FGF12: variants seen among roughly 807,000 people sequenced by gnomAD.
FGF12 encodes fibroblast growth factor 12B.
In FGF12, 14 loss-of-function variants were observed where a neutral mutation model predicts 23.6. The observed-to-expected ratio is 0.59, with a 90% confidence interval of 0.39 to 0.93. FGF12 has a LOEUF of 0.93. Among genes scored for constraint, FGF12 ranks in the 40% least tolerant of loss-of-function variants. The pLI is 0.00. For missense variants in FGF12, 175 were observed against 217.8 expected (o/e 0.80, Z 1.24); for synonymous variants, 62 against 77.3 (o/e 0.80, Z 1.04).
chr3:192,438,767 G>A (rs1294681884), intron 2 of FGF12, among the ~76,000 whole-genome samples: 1 of 152,118 alleles, frequency 6.6e-6, no homozygotes, highest in Admixed American at 6.5e-5. Context: ...CTTTTGGTGT[G>A]ACCAAGAAAG....
chr3:192,497,630 G>C (rs865984988), intron 2 of FGF12, among the ~76,000 whole-genome samples: 1 of 152,172 alleles, frequency 6.6e-6, no homozygotes, highest in Non-Finnish European at 1.5e-5. Flanking sequence ...AATATGCCAA[G>C]TTTTTTCCTG....
rs183015420 is a variant in FGF12, at chr3:192,189,146, T to C, written c.229-18490A>G. On this transcript the variant is annotated intron_variant, in intron 4 of 5. Coordinates refer to ENST00000445105, the MANE Select transcript of FGF12 (RefSeq NM_004113.6). ...GTAGGCTTCCTCAGCCTCGGTTTCA[T>C]GGTATCTCCAGTCCTGTTTAAGCCA... 5.9e-3 allele frequency among the ~76,000 whole-genome samples: 899 copies of C among 152,342 alleles called. 7 individuals are homozygous for C. The highest frequency in any genetic ancestry group is 0.018 in the African/African-American group (754 of 41,582).
At chr3:192,674,037 G>A (rs1431280882) in intron 2 of FGF12, among the ~76,000 whole-genome samples, 1 of 151,046 alleles carries the variant, frequency 6.6e-6, no homozygotes, top group African/African-American at 2.4e-5. Flanking sequence ...AGTGTTTTAT[G>A]ACTAGACTCT....
intron 2 of FGF12, among the ~76,000 whole-genome samples, chr3:192,546,571 T>C (rs891889902): frequency 6.6e-6 from 1 of 152,130 alleles, no homozygotes; most frequent in African/African-American, 2.4e-5. Flanking sequence ...TGTAGTTCCC[T>C]GGTTCAATGC....
chr3:192,708,171 G>A (rs1334652009), intron 2 of FGF12, among the ~76,000 whole-genome samples: 2 of 152,070 alleles, frequency 1.3e-5, no homozygotes, highest in African/African-American at 2.4e-5. Context: ...GTGTTAGCCA[G>A]GTTGGTCTCG....
rs139901398 is a variant in FGF12 at position 192,188,185 on chromosome 3, G to A, written c.229-17529C>T. On this transcript the variant is annotated intron_variant, in intron 4 of 5. Coordinates refer to ENST00000445105, the MANE Select transcript of FGF12 (RefSeq NM_004113.6). ...AAGAATGAAATCTAGAATTCAAAGA[G>A]GTACTAGTGAGACAGCTTGAACTAA... Among the ~76,000 whole-genome samples the A allele has an allele frequency of 7.1e-4, 108 of 152,210 alleles. 1 individual carries two copies. In the East Asian group the frequency reaches 0.015, roughly 22 times the overall value.
At chr3:192,658,600 A>G (rs961864822) in intron 2 of FGF12, among the ~76,000 whole-genome samples, 1 of 152,178 alleles carries the variant, frequency 6.6e-6, no homozygotes, top group African/African-American at 2.4e-5. Flanking sequence ...TTTTGAAATA[A>G]TAGGTTAGCT....
chr3:192,687,193 GA>G (rs1482880633), intron 2 of FGF12, among the ~76,000 whole-genome samples: 1 of 150,210 alleles, frequency 6.7e-6, no homozygotes, highest in African/African-American at 2.5e-5. Context: ...ATCTCTAGAT[GA>G]GACAAATATT....
rs1311177541 is a variant in FGF12, at chr3:192,141,116, C to T, written c.*2893G>A. ...GCCATATTTTTTCCTGGGAAAAATC[C>T]CAATGCAACTCCAAAAAAAAAAAAA... On this transcript the variant is annotated 3_prime_UTR_variant, in exon 6 of 6. Coordinates refer to ENST00000445105, the MANE Select transcript of FGF12 (RefSeq NM_004113.6). 3.3e-5 allele frequency: 2 copies of T among 60,662 alleles called. No individual in the cohort carries two copies. Among genetic ancestry groups the T allele is most frequent in the African/African-American group, 1.5e-4 (2 of 13,702 alleles). The allele number at this position is 60,662 out of a possible 1,614,324, so 3.8% of individuals were successfully genotyped here. A position where few individuals can be genotyped will look rare whatever the true frequency, so the allele number is the denominator to read the frequency against.
At chr3:192,174,936 A>G (rs1203355302) in intron 4 of FGF12, among the ~76,000 whole-genome samples, 1 of 152,176 alleles carries the variant, frequency 6.6e-6, no homozygotes, top group Non-Finnish European at 1.5e-5. Flanking sequence ...TTCACTTTTC[A>G]CATAGCAGGA....
intron 2 of FGF12, among the ~76,000 whole-genome samples, chr3:192,572,917 T>C (rs1374987564): frequency 6.6e-6 from 1 of 152,190 alleles, no homozygotes; most frequent in Admixed American, 6.5e-5. Flanking sequence ...AGAATTACTT[T>C]ATATAAAATA....
At chr3:192,727,414 G>C in intron 1 of FGF12, 70 bp downstream of exon 1, 1 of 1,345,606 alleles carries the variant, frequency 7.4e-7, no homozygotes, top group African/African-American at 1.5e-5. Context: ...CAGGGGATAC[G>C]TTGCGACGCG....
At chr3:192,295,825 A>G (rs1577328398) in intron 4 of FGF12, among the ~76,000 whole-genome samples, 1 of 152,162 alleles carries the variant, frequency 6.6e-6, no homozygotes, top group Non-Finnish European at 1.5e-5. Context: ...CTATTCCAAT[A>G]CAACTCTGAT....
chr3:192,324,119 A>T (rs1042758817), intron 4 of FGF12, among the ~76,000 whole-genome samples: 3 of 151,288 alleles, frequency 2.0e-5, no homozygotes, highest in Admixed American at 6.6e-5. Flanking sequence ...TTAATTAAAT[A>T]AAATATCATA....
intron 2 of FGF12, among the ~76,000 whole-genome samples, chr3:192,431,258 C>T (rs780742561): frequency 2.0e-5 from 3 of 152,130 alleles, no homozygotes; most frequent in Non-Finnish European, 2.9e-5. Context: ...GAAACTTCAG[C>T]GGTACCTGTA....
At chr3:192,611,221 TTG>T (rs1190217320) in intron 2 of FGF12, among the ~76,000 whole-genome samples, 13 of 152,060 alleles carry the variant, frequency 8.5e-5, no homozygotes, top group Admixed American at 2.6e-4. Context: ...GCTTTCTGCT[TTG>T]CTTGTAGAAT....
intron 2 of FGF12, among the ~76,000 whole-genome samples, chr3:192,433,404 A>T (rs538138494): frequency 6.6e-6 from 1 of 152,360 alleles, no homozygotes; most frequent in African/African-American, 2.4e-5. Context: ...AAATTTACAA[A>T]TATCAAATTA....
chr3:192,610,527 G>A lies in FGF12; in HGVS notation c.13+116654C>T, dbSNP rs373313066. 7.4e-4 allele frequency among the ~76,000 whole-genome samples: 113 copies of A among 152,016 alleles called. 2 individuals are homozygous for A. In the South Asian group the frequency reaches 0.021, roughly 28 times the overall value. On this transcript the variant is annotated intron_variant, in intron 2 of 5. Transcript: ENST00000445105. ...ATTCCAAACCACAATTATCTCATCC[G>A]GATTATTGCAATTGCTTTCTGCCTG...
intron 2 of FGF12, among the ~76,000 whole-genome samples, chr3:192,713,194 T>C (rs1462870886): frequency 2.0e-5 from 3 of 152,154 alleles, no homozygotes; most frequent in Non-Finnish European, 4.4e-5. Flanking sequence ...AAAATAACAA[T>C]GTAACAGCCT....
Sources: allele counts gnomAD v4.1 joint callset (sites outside exome capture counted in the v4.1 genomes callset), GRCh38; gene constraint gnomAD v4.1.1; transcripts MANE v1.5; gene names NCBI Gene and HGNC (gene_info 2026-07-23, HGNC 2026-07-21).